The following GTPBP1 variants were observed in gnomAD, a reference collection of about 807,000 sequenced individuals.
GTPBP1 encodes GTP binding protein 1.
GTPBP1 carries 23 observed loss-of-function variants against 62.0 expected under a neutral mutation model. The ratio of observed to expected loss-of-function variants is 0.37; its 90% CI spans 0.27 to 0.53. GTPBP1 has a LOEUF of 0.53. Among genes scored for constraint, GTPBP1 ranks in the 20% least tolerant of loss-of-function variants. GTPBP1 has a pLI of 0.89. For missense variants in GTPBP1, 640 were observed against 917.3 expected (o/e 0.70, Z 3.90); for synonymous variants, 344 against 364.4 (o/e 0.94, Z 0.64).
intron 2 of GTPBP1, among the ~76,000 whole-genome samples, chr22:38,709,674 A>G (rs2092627132): frequency 6.6e-6 from 1 of 151,956 alleles, no homozygotes; most frequent in African/African-American, 2.4e-5. Flanking sequence ...TTAGCAGAGG[A>G]CCTCCGTGAT....
rs1172468220 is a variant in GTPBP1, at chr22:38,715,796, G to T, written c.305-111G>T. ...GAGAGGACCCCTGTTCCTCTGCAGT[G>T]CTGGGGTCGGGGGGTGGTGGCCTTT... On this transcript the variant is annotated intron_variant, in intron 2 of 11. Coordinates refer to ENST00000216044, the MANE Select transcript of GTPBP1 (RefSeq NM_004286.5). The T allele has an allele frequency of 1.5e-5, 12 of 802,386 alleles. No homozygotes were observed. In the South Asian group the frequency reaches 1.8e-4, roughly 12 times the overall value. 49.7% of individuals were successfully genotyped at this position (802,386 alleles called of 1,614,324 possible).
At chr22:38,725,846 A>T in intron 6 of GTPBP1, 160 bp from the exon 7 acceptor site, 1 of 692,360 alleles carries the variant, frequency 1.4e-6, no homozygotes, top group Admixed American at 2.3e-5. Context: ...AGGTCAGGGC[A>T]AAGAGGTCAA....
downstream of GTPBP1, chr22:38,737,888 C>G: frequency 1.6e-6 from 1 of 630,282 alleles, no homozygotes; most frequent in Non-Finnish European, 3.0e-6. The surrounding 1 kb of genome is among the most constrained non-coding windows in gnomAD (Gnocchi z 4.1). Context: ...CCTCTCCCGG[C>G]CTTCCTTTCC....
intron 1 of GTPBP1, among the ~76,000 whole-genome samples, chr22:38,707,675 C>T (rs1320582517): frequency 1.3e-5 from 2 of 152,166 alleles, no homozygotes; most frequent in Non-Finnish European, 2.9e-5. Flanking sequence ...AATTGCAGGG[C>T]AGAGTTGCAA....
At chr22:38,724,230 T>C in intron 5 of GTPBP1, 67 bp from the exon 6 acceptor site, 1 of 890,794 alleles carries the variant, frequency 1.1e-6, no homozygotes, top group Non-Finnish European at 1.9e-6. Context: ...TGGACCCATC[T>C]TGCTCTTAAA....
chr22:38,738,576 C>T, downstream of GTPBP1: 1 of 1,611,054 alleles, frequency 6.2e-7, no homozygotes, highest in Non-Finnish European at 8.5e-7. This position sits in a 1 kb window ranked among gnomAD's most constrained non-coding sequence, Gnocchi z 6.6. Context: ...CACCACAGGA[C>T]AGATACTCAC....
intron 2 of GTPBP1, among the ~76,000 whole-genome samples, chr22:38,709,271 G>A (rs2092624441): frequency 6.6e-6 from 1 of 151,822 alleles, no homozygotes; most frequent in African/African-American, 2.4e-5. Context: ...CAGCCTAGGC[G>A]ACAAGAGTGA....
At chr22:38,740,002 A>G (rs1455579491), downstream of GTPBP1, 3 of 1,564,570 alleles carry the variant, frequency 1.9e-6, no homozygotes, top group East Asian at 2.2e-5. The surrounding 1 kb of genome is among the most constrained non-coding windows in gnomAD (Gnocchi z 4.8). Flanking sequence ...AGGAGCTGCT[A>G]TGACAGGGCT....
downstream of GTPBP1, chr22:38,741,040 G>A (rs1456591557): frequency 1.9e-6 from 3 of 1,597,860 alleles, no homozygotes; most frequent in East Asian, 6.8e-5. Context: ...CTGGATGCGA[G>A]CCTCGGACTC....
chr22:38,732,399 G>C lies in GTPBP1; in HGVS notation c.*1695G>C, dbSNP rs961958352. 1.3e-5 allele frequency: 2 copies of C among 152,392 alleles called. No individual in the cohort carries two copies. Among genetic ancestry groups the C allele is most frequent in the Admixed American group, 1.3e-4 (2 of 15,274 alleles). The allele number at this position is 152,392 out of a possible 1,614,324, so 9.4% of individuals were successfully genotyped here. ...AGGCAGGCATGGCTTCCGTGTTCAG[G>C]CTCCCTCACCAGCTGGTGACACGGG... On this transcript the variant is annotated 3_prime_UTR_variant, in exon 12 of 12. Coordinates refer to ENST00000216044, the MANE Select transcript of GTPBP1 (RefSeq NM_004286.5).
chr22:38,711,574 A>G (rs1461542465), intron 2 of GTPBP1, among the ~76,000 whole-genome samples: 1 of 152,100 alleles, frequency 6.6e-6, no homozygotes, highest in African/African-American at 2.4e-5. Flanking sequence ...GAAAAAGAAG[A>G]CTCATGCCTA....
chr22:38,738,998 G>C (rs1247284024), downstream of GTPBP1: 5 of 1,603,644 alleles, frequency 3.1e-6, no homozygotes. The surrounding 1 kb of genome is among the most constrained non-coding windows in gnomAD (Gnocchi z 6.6). Context: ...CCTGAGACAG[G>C]AGAGGAAGGC....
Position 38,705,974 on chromosome 22 carries a change from C to G in GTPBP1, c.19C>G (p.Arg7Gly), listed in dbSNP as rs748996917. ...ATTAAAGATGGCGACGGAGCGCAGT[C>G]GCTCCGCGATGGACTCGCCGGTCCC... MATERSRSAMDSPVPAS... is the reference protein window; with the variant it reads MATERSGSAMDSPVPAS... The change falls in exon 1 of 12, where the codon CGC becomes GGC. Residue 7 changes from arginine to glycine, a missense_variant. This residue lies in a region of GTPBP1 where 215 missense variants were observed against 235.1 expected (regional missense o/e 0.91). Transcript: ENST00000216044. 9.0e-6 allele frequency: 13 copies of G among 1,446,712 alleles called. No homozygotes were observed. The highest frequency in any genetic ancestry group is 2.6e-5 in the South Asian group (2 of 76,348). 89.6% of individuals were successfully genotyped at this position (1,446,712 alleles called of 1,614,324 possible). A position where few individuals can be genotyped will look rare whatever the true frequency, so the allele number is the denominator to read the frequency against.
rs745954782 is a variant in GTPBP1 at position 38,729,536 on chromosome 22, C to T, written c.1791C>T (p.Gly597=). The change falls in exon 11 of 12, where the codon GGC becomes GGT. Residue 597 remains glycine, a synonymous_variant. Coordinates refer to ENST00000216044, the MANE Select transcript of GTPBP1 (RefSeq NM_004286.5). ...QQIKMQSTKK[G]PLTKRDEGGP... ...TTAAAATGCAGTCGACGAAAAAGGG[C>T]CCCCTGACGAAACGAGACGAGGGGG... The T allele has an allele frequency of 6.2e-7, 1 of 1,607,672 alleles. No homozygotes were observed. Among genetic ancestry groups the T allele is most frequent in the Admixed American group, 1.7e-5 (1 of 59,282 alleles).
chr22:38,737,467 C>T (rs965449376), downstream of GTPBP1, among the ~76,000 whole-genome samples: 1 of 152,164 alleles, frequency 6.6e-6, no homozygotes, highest in African/African-American at 2.4e-5. The surrounding 1 kb of genome is among the most constrained non-coding windows in gnomAD (Gnocchi z 4.1). Context: ...GGCCCAGGCT[C>T]GCCCCTTCGA....
intron 2 of GTPBP1, among the ~76,000 whole-genome samples, chr22:38,714,281 C>T (rs938729828): frequency 5.3e-5 from 8 of 152,110 alleles, no homozygotes; most frequent in African/African-American, 1.4e-4. Context: ...GAGTTCGAGA[C>T]CAGCCTGGCC....
At chr22:38,742,383 AG>A (rs1482886551), downstream of GTPBP1, 2 of 1,613,214 alleles carry the variant, frequency 1.2e-6, no homozygotes, top group Admixed American at 3.3e-5. Flanking sequence ...CAGCAGCGCC[AG>A]GGTGTCCTCG....
chr22:38,725,808 T>G (rs2092723647), intron 6 of GTPBP1, 198 bp from the exon 7 acceptor site: 3 of 589,946 alleles, frequency 5.1e-6, no homozygotes, highest in Non-Finnish European at 9.1e-6. Flanking sequence ...GAAGAAGGCC[T>G]CAGAGTAGGG....
At chr22:38,707,560 G>A (rs921128614) in intron 1 of GTPBP1, among the ~76,000 whole-genome samples, 10 of 152,218 alleles carry the variant, frequency 6.6e-5, no homozygotes, top group Non-Finnish European at 1.2e-4. Flanking sequence ...ACAATTACAA[G>A]CTCTGATGAG....
Sources: allele counts gnomAD v4.1 joint callset (sites outside exome capture counted in the v4.1 genomes callset), GRCh38; gene constraint gnomAD v4.1.1; regional missense constraint gnomAD v4.1.1; non-coding constraint Gnocchi (gnomAD v3.1); transcripts MANE v1.5; gene names NCBI Gene and HGNC (gene_info 2026-07-23, HGNC 2026-07-21).